The following ZFP1 variants were observed in gnomAD, a reference collection of about 807,000 sequenced individuals.
ZFP1 encodes the protein zinc finger protein 1 homolog.
A neutral mutation model predicts 38.5 loss-of-function variants in ZFP1; 32 were observed. The ratio of observed to expected loss-of-function variants is 0.83; its 90% CI spans 0.63 to 1.12. The LOEUF (loss-of-function observed/expected upper bound fraction) is 1.12, where lower values mean the gene tolerates loss of function less well. Ranked by LOEUF, ZFP1 falls within the 50% of genes most tolerant of loss-of-function variation. The pLI, the probability that ZFP1 is intolerant of heterozygous loss-of-function variation, is 0.00. For missense variants in ZFP1, 616 were observed against 480.8 expected, an observed-to-expected ratio of 1.28 and a Z score of -2.63; for synonymous variants, 245 against 168.8, an observed-to-expected ratio of 1.45 and a Z score of -3.50.
upstream of ZFP1, among the ~76,000 whole-genome samples, chr16:75,146,979 G>A (rs1487170519): frequency 2.1e-5 from 3 of 144,388 alleles, no homozygotes; most frequent in South Asian, 2.2e-4. Context: ...GTAACTTGAG[G>A]GAAACATGAG....
At chr16:75,165,219 G>C (rs1354519252) in intron 2 of ZFP1, among the ~76,000 whole-genome samples, 1 of 152,100 alleles carries the variant, frequency 6.6e-6, no homozygotes, top group Non-Finnish European at 1.5e-5. Context: ...ACTACATGTA[G>C]CCTGAAAAGG....
the ZFP1 span, among the ~76,000 whole-genome samples, chr16:75,121,043 T>A: frequency 6.6e-6 from 1 of 152,172 alleles, no homozygotes; most frequent in Admixed American, 6.5e-5. Context: ...ATAATAAGTG[T>A]CCCTTCTTGG....
the ZFP1 span, among the ~76,000 whole-genome samples, chr16:75,127,205 A>G: frequency 0.31 from 47,779 of 151,964 alleles, 7,686 homozygotes; most frequent in Non-Finnish European, 0.34. Flanking sequence ...TGATTTTATA[A>G]AAGGTAGTTT....
chr16:75,125,952 A>G, the ZFP1 span, among the ~76,000 whole-genome samples: 4 of 150,324 alleles, frequency 2.7e-5, no homozygotes, highest in Non-Finnish European at 5.9e-5. Context: ...TGAGGCAAGG[A>G]GAATCGCTTG....
the ZFP1 span, among the ~76,000 whole-genome samples, chr16:75,122,239 G>T: frequency 6.6e-6 from 1 of 152,176 alleles, no homozygotes; most frequent in African/African-American, 2.4e-5. Flanking sequence ...TTCCCCTATT[G>T]GATAGGGTTG....
upstream of ZFP1, among the ~76,000 whole-genome samples, chr16:75,148,124 A>C (rs1359029672): frequency 3.3e-5 from 5 of 152,230 alleles, no homozygotes; most frequent in African/African-American, 1.2e-4. Flanking sequence ...ACAACAACAA[A>C]AAAATCAAAG....
At chr16:75,155,989 A>G (rs1473985163) in intron 2 of ZFP1, among the ~76,000 whole-genome samples, 1 of 152,132 alleles carries the variant, frequency 6.6e-6, no homozygotes, top group Non-Finnish European at 1.5e-5. Flanking sequence ...GCCCTTTGCC[A>G]AGACTTAGGT....
In ZFP1 at chr16:75,169,873, C is replaced by G; in HGVS notation, c.763C>G (p.Leu255Val). 2.5e-6 allele frequency: 4 copies of G among 1,614,142 alleles called. No homozygotes were observed. The highest frequency in any genetic ancestry group is 3.4e-6 in the Non-Finnish European group (4 of 1,180,028). ...AAAAGCTTTCACCCACCAGTCAAACCTCATTGTACACCAGAGAGCACATAT... is the reference window on the plus strand; with the variant it reads ...AAAAGCTTTCACCCACCAGTCAAACGTCATTGTACACCAGAGAGCACATAT... The part of the protein sequence containing the change: ...CGKAFTHQSN[L>V]IVHQRAHMEK... Residue 255 changes from leucine to valine, a missense_variant, in exon 4 of 4, where the codon CTC (leucine) becomes GTC (valine). Transcript: ENST00000570010.
chr16:75,132,902 C>G, the ZFP1 span, among the ~76,000 whole-genome samples: 1 of 148,852 alleles, frequency 6.7e-6, no homozygotes, highest in Non-Finnish European at 1.5e-5. Context: ...TCAGGTGATC[C>G]ATCCACCTCA....
rs1473445490 is a variant in ZFP1 at position 75,167,064 on chromosome 16, T to A, written c.142+168T>A. On this transcript the variant is annotated intron_variant, in intron 3 of 3. Transcript: ENST00000570010. ...TAAAGCTCTATCATCTCCTTTCCTT[T>A]AAGGCTTCTGAAGTCCAGGCAATTA... 9.8e-5 allele frequency among the ~76,000 whole-genome samples: 15 copies of A among 152,350 alleles called. No individual in the cohort carries two copies. The East Asian group carries it at 2.7e-3, about 27-fold the overall frequency.
chr16:75,141,635 A>G, the ZFP1 span, among the ~76,000 whole-genome samples: 43 of 152,198 alleles, frequency 2.8e-4, 1 homozygote, highest in African/African-American at 9.4e-4. Flanking sequence ...CTATAATCCC[A>G]GTGCTTTGAG....
At chr16:75,160,388 A>G (rs1220286314) in intron 2 of ZFP1, among the ~76,000 whole-genome samples, 1 of 152,020 alleles carries the variant, frequency 6.6e-6, no homozygotes, top group Non-Finnish European at 1.5e-5. Flanking sequence ...ATCTGTACTA[A>G]TCCCATCTGT....
At chr16:75,152,418 C>G (rs998104794) in intron 1 of ZFP1, among the ~76,000 whole-genome samples, 1 of 152,098 alleles carries the variant, frequency 6.6e-6, no homozygotes, top group Non-Finnish European at 1.5e-5. Flanking sequence ...TCAGTTTGAC[C>G]TATCTTCAAG....
At chr16:75,137,853 A>C in the ZFP1 span, among the ~76,000 whole-genome samples, 45 of 152,066 alleles carry the variant, frequency 3.0e-4, 1 homozygote, top group South Asian at 9.3e-3. Context: ...CTAGGATTCC[A>C]TCACTGTACC....
chr16:75,170,234 C>G lies in ZFP1; in HGVS notation c.1124C>G (p.Thr375Arg). The stretch of plus-strand genomic sequence containing the variant: ...CTTAGATTACACTTGCGAATCCACA[C>G]AGGAGAGAAACCATATGAGTGTTCC... ...STLRLHLRIH[T>R]GEKPYECSEC... The change falls in exon 4 of 4, where the codon ACA (threonine) becomes AGA (arginine). Residue 375 changes from threonine (T) to arginine (R), a missense_variant. Physicochemically the swap from Thr to Arg is moderately conservative, Grantham distance 71. Transcript: ENST00000570010. 6.2e-7 allele frequency: 1 copy of G among 1,614,180 alleles called. No homozygotes were observed. Among genetic ancestry groups the G allele is most frequent in the Non-Finnish European group, 8.5e-7 (1 of 1,180,026 alleles).
chr16:75,131,772 T>G, the ZFP1 span, among the ~76,000 whole-genome samples: 1 of 152,092 alleles, frequency 6.6e-6, no homozygotes, highest in South Asian at 2.1e-4. Context: ...GAGACCAGCC[T>G]GGCCAACATG....
intron 3 of ZFP1, among the ~76,000 whole-genome samples, chr16:75,167,349 C>G (rs1013237395): frequency 1.3e-5 from 2 of 152,082 alleles, no homozygotes; most frequent in Non-Finnish European, 2.9e-5. Context: ...TGACCTGTAC[C>G]TCAATCTCTG....
intron 1 of ZFP1, among the ~76,000 whole-genome samples, chr16:75,150,375 A>ATT (rs879642238): frequency 1.1e-3 from 50 of 43,564 alleles, no homozygotes; most frequent in Admixed American, 1.8e-3. Context: ...CACCTGGCTA[A>ATT]TTTTTTTATT....
At chr16:75,166,279 C>G (rs976366699) in intron 2 of ZFP1, among the ~76,000 whole-genome samples, 1 of 152,228 alleles carries the variant, frequency 6.6e-6, no homozygotes, top group African/African-American at 2.4e-5. Context: ...GTTGCCCAGG[C>G]TGGAGTATAG....
Sources: gnomAD v4.1 joint callset for allele counts (sites outside exome capture counted in the v4.1 genomes callset) on GRCh38, gnomAD v4.1.1 for gene constraint, MANE v1.5 for transcripts, NCBI Gene and HGNC (gene_info 2026-07-23, HGNC 2026-07-21) for gene names.